The following KIF13B variants were observed in gnomAD, a reference collection of about 807,000 sequenced individuals.
KIF13B encodes kinesin family member 13B.
In KIF13B, 127 loss-of-function variants were observed where a neutral mutation model predicts 222.0. The observed-to-expected ratio is 0.57, with a 90% CI of 0.50 to 0.66. The LOEUF is 0.66. Among genes scored for constraint, KIF13B ranks in the 30% least tolerant of loss-of-function variants. The probability of loss-of-function intolerance (pLI) is 0.00; values close to 1 mark genes in which losing one functional copy is unlikely to be tolerated. For missense variants in KIF13B, 2,173 were observed against 2,379.0 expected, an observed-to-expected ratio of 0.91 and a Z score of 1.80; for synonymous variants, 976 against 919.0, an observed-to-expected ratio of 1.06 and a Z score of -1.12.
At chr8:29,232,085 T>C (rs775236475) in intron 2 of KIF13B, among the ~76,000 whole-genome samples, 1 of 150,854 alleles carries the variant, frequency 6.6e-6, no homozygotes, top group African/African-American at 2.4e-5. Context: ...TGAAGCCCCA[T>C]CTCTACAAAA....
At chr8:29,259,722 A>G (rs145429534) in intron 1 of KIF13B, among the ~76,000 whole-genome samples, 1 of 152,262 alleles carries the variant, frequency 6.6e-6, no homozygotes, top group Non-Finnish European at 1.5e-5. Context: ...CGGGTTAATA[A>G]TGTATGAATG....
chr8:29,092,928 ATCT>A (rs780945067), intron 36 of KIF13B, 50 bp from the exon 37 acceptor site: 5 of 1,509,100 alleles, frequency 3.3e-6, no homozygotes, highest in Admixed American at 4.2e-5. Flanking sequence ...TTACATAGAC[ATCT>A]TCTTTCCTGT....
At chr8:29,252,017 A>G (rs997330153) in intron 1 of KIF13B, among the ~76,000 whole-genome samples, 31 of 152,208 alleles carry the variant, frequency 2.0e-4, no homozygotes, top group South Asian at 6.2e-4. Flanking sequence ...GAAAGGAAAA[A>G]AAAGGAAAAA....
chr8:29,108,965 A>G (rs1179344719), intron 34 of KIF13B, among the ~76,000 whole-genome samples: 2 of 152,240 alleles, frequency 1.3e-5, no homozygotes, highest in Non-Finnish European at 2.9e-5. Flanking sequence ...AGGTTTTTAA[A>G]AACAACAATA....
intron 2 of KIF13B, among the ~76,000 whole-genome samples, chr8:29,204,400 G>A (rs1349720978): frequency 6.6e-6 from 1 of 152,016 alleles, no homozygotes; most frequent in East Asian, 1.9e-4. Context: ...TCATTTCATC[G>A]TCCACTTTCA....
chr8:29,117,598 C>T lies in KIF13B; in HGVS notation c.3661-591G>A, dbSNP rs1473624969. Among the ~76,000 whole-genome samples, 6 of 152,230 alleles carry T rather than the reference C, an allele frequency of 3.9e-5. No individual in the cohort carries two copies. The South Asian group carries it at 8.3e-4, about 21-fold the overall frequency. The stretch of plus-strand genomic sequence containing the variant: ...TGACCCTGCTGAACTGGAAGGGTGC[C>T]GGCCCACTATTCTACAGAATGCATA... On this transcript the variant is annotated intron_variant, in intron 30 of 39. Coordinates refer to ENST00000524189, the MANE Select transcript of KIF13B (RefSeq NM_015254.4).
intron 3 of KIF13B, among the ~76,000 whole-genome samples, chr8:29,192,926 G>C (rs949033426): frequency 3.3e-5 from 5 of 152,072 alleles, no homozygotes; most frequent in African/African-American, 1.2e-4. Flanking sequence ...TGGGGGTAAG[G>C]GTGGGGGCCT....
At chr8:29,160,907 T>C (rs1450377727) in intron 12 of KIF13B, 40 bp from the exon 13 acceptor site, 16 of 1,572,254 alleles carry the variant, frequency 1.0e-5, no homozygotes, top group Non-Finnish European at 1.3e-5. Context: ...TCACAGCTAT[T>C]GAGGCAGTGA....
At chr8:29,186,529 C>A in intron 5 of KIF13B, 57 bp from the exon 6 acceptor site, 3 of 1,420,114 alleles carry the variant, frequency 2.1e-6, no homozygotes, top group Non-Finnish European at 9.6e-7. Flanking sequence ...AATACATAAC[C>A]CTCTTTCCGT....
At chr8:29,223,443 T>C (rs939051710) in intron 2 of KIF13B, among the ~76,000 whole-genome samples, 4 of 152,048 alleles carry the variant, frequency 2.6e-5, no homozygotes, top group Admixed American at 2.6e-4. Flanking sequence ...GAGAACTAGA[T>C]TATAAAATAC....
chr8:29,136,793 A>C (rs1810576771), intron 21 of KIF13B, among the ~76,000 whole-genome samples: 1 of 135,736 alleles, frequency 7.4e-6, no homozygotes, highest in African/African-American at 2.9e-5. Flanking sequence ...GACCTGTAAC[A>C]GGTTTTTTTT....
Position 29,122,585 on chromosome 8 carries a change from A to C in KIF13B, c.3535+6T>G. The C allele has an allele frequency of 6.2e-7, 1 of 1,607,260 alleles. No homozygotes were observed. The highest frequency in any genetic ancestry group is 1.1e-5 in the South Asian group (1 of 89,368). On this transcript the variant is annotated splice_donor_region_variant and intron_variant, in intron 29 of 39. Coordinates refer to ENST00000524189, the MANE Select transcript of KIF13B (RefSeq NM_015254.4). ...GTAAGCCTTCAGAAAACACCTCCTAACTTACCATTTAAGTCCAGGAATATA... is the reference window on the plus strand; with the variant it reads ...GTAAGCCTTCAGAAAACACCTCCTACCTTACCATTTAAGTCCAGGAATATA...
intron 1 of KIF13B, among the ~76,000 whole-genome samples, chr8:29,253,803 C>G (rs1816367022): frequency 8.0e-6 from 1 of 124,416 alleles, no homozygotes; most frequent in Non-Finnish European, 1.6e-5. Context: ...ACACTCCAGC[C>G]TGGGTGAGAA....
chr8:29,090,692 A>G (rs943775587), intron 37 of KIF13B, among the ~76,000 whole-genome samples: 4 of 152,124 alleles, frequency 2.6e-5, no homozygotes, highest in African/African-American at 4.8e-5. Flanking sequence ...TTAGATTTAT[A>G]TACTTTATGT....
chr8:29,111,045 G>A (rs987411814), intron 32 of KIF13B, among the ~76,000 whole-genome samples: 3 of 152,182 alleles, frequency 2.0e-5, no homozygotes, highest in African/African-American at 7.2e-5. Context: ...ATTTAAATGA[G>A]TCTTAGAACA....
In KIF13B at chr8:29,072,122, G is replaced by A. The variant is rs545611176; in HGVS notation, c.4716C>T (p.Ser1572=). Residue 1572 remains serine (S), a synonymous_variant, in exon 39 of 40, where the codon AGC becomes AGT. Coordinates refer to ENST00000524189, the MANE Select transcript of KIF13B (RefSeq NM_015254.4). ...CGTCCGACAGGGTCGCGGTGGAGACGCTGTGGGAGAAGTACCCGCTAGAGG... is the reference window on the plus strand; with the variant it reads ...CGTCCGACAGGGTCGCGGTGGAGACACTGTGGGAGAAGTACCCGCTAGAGG... The part of the protein sequence containing the change: ...SEASSGYFSH[S]VSTATLSDAL... 242 of 1,378,442 alleles carry A rather than the reference G, an allele frequency of 1.8e-4. 2 individuals carry two copies. The highest frequency in any genetic ancestry group is 2.1e-4 in the Non-Finnish European group (220 of 1,063,730). The allele number at this position is 1,378,442 out of a possible 1,614,324, so 85.4% of individuals were successfully genotyped here. A position where few individuals can be genotyped will look rare whatever the true frequency, so the allele number is the denominator to read the frequency against.
intron 1 of KIF13B, among the ~76,000 whole-genome samples, chr8:29,257,203 C>A (rs918787116): frequency 6.6e-6 from 1 of 152,136 alleles, no homozygotes; most frequent in Non-Finnish European, 1.5e-5. Context: ...TAATGGATAC[C>A]ATTTTCTAAA....
At chr8:29,261,639 A>T (rs978558383) in intron 1 of KIF13B, among the ~76,000 whole-genome samples, 36 of 152,238 alleles carry the variant, frequency 2.4e-4, no homozygotes, top group East Asian at 3.8e-4. Context: ...TCAGAATTGT[A>T]TCGACGTTTA....
At chr8:29,190,927 G>A (rs182446670) in intron 4 of KIF13B, 70 bp downstream of exon 4, 150 of 1,213,888 alleles carry the variant, frequency 1.2e-4, no homozygotes, top group Middle Eastern at 7.6e-4. Flanking sequence ...CCAAGCAATC[G>A]TGTAAGGGAA....
Sources: allele counts gnomAD v4.1 joint callset (sites outside exome capture counted in the v4.1 genomes callset), GRCh38; gene constraint gnomAD v4.1.1; transcripts MANE v1.5; gene names NCBI Gene and HGNC (gene_info 2026-07-23, HGNC 2026-07-21).